ZAP70: variants seen among roughly 807,000 people sequenced by gnomAD.
ZAP70 encodes zeta chain of T cell receptor associated protein kinase 70.
ZAP70 carries 27 observed loss-of-function variants against 65.8 expected under a neutral mutation model. The ratio of observed to expected loss-of-function variants is 0.41; its 90% CI spans 0.30 to 0.57. The LOEUF is 0.57. Ranked by LOEUF, ZAP70 falls within the 20% of genes least tolerant of loss-of-function variation. The pLI, the probability that ZAP70 is intolerant of heterozygous loss-of-function variation, is 0.28. For missense variants in ZAP70, 696 were observed against 870.5 expected, an observed-to-expected ratio of 0.80 and a Z score of 2.52; for synonymous variants, 363 against 360.8, an observed-to-expected ratio of 1.01 and a Z score of -0.07.
chr2:97,720,412 T>C (rs1054719901), intron 2 of ZAP70, among the ~76,000 whole-genome samples: 1 of 152,168 alleles, frequency 6.6e-6, no homozygotes, highest in African/African-American at 2.4e-5. Context: ...GTATTTTTAA[T>C]AGAGACGGGG....
intron 2 of ZAP70, among the ~76,000 whole-genome samples, chr2:97,719,298 G>A (rs1441672148): frequency 1.3e-5 from 2 of 149,318 alleles, no homozygotes; most frequent in Non-Finnish European, 3.0e-5. Flanking sequence ...AGAGGTGGGT[G>A]TGGCAGCATG....
intron 13 of ZAP70, chr2:97,738,373 T>TG: frequency 1.9e-6 from 1 of 537,722 alleles, no homozygotes; most frequent in East Asian, 3.3e-5. Flanking sequence ...ACTCAACACA[T>TG]GGACCCTGCA....
At chr2:97,732,735 G>C in intron 4 of ZAP70, 148 bp from the exon 5 acceptor site, 1 of 1,162,994 alleles carries the variant, frequency 8.6e-7, no homozygotes, top group South Asian at 1.5e-5. Flanking sequence ...GGAGGTGATG[G>C]GGGCCTGGCC....
intron 2 of ZAP70, among the ~76,000 whole-genome samples, chr2:97,722,114 C>T (rs182549479): frequency 2.5e-4 from 38 of 150,120 alleles, no homozygotes; most frequent in Non-Finnish European, 4.4e-4. Flanking sequence ...GAGTTTCGCG[C>T]TTGTTGCCCA....
Position 97,724,213 on chromosome 2 carries a change from TC to T in ZAP70, c.180del (p.Ile61SerfsTer108). ...TGCACGATGTGCGCTTCCACCACTTTCCCATCGAGCGCCAGCTCAACGGCAC... is the reference window on the plus strand; with the variant it reads ...TGCACGATGTGCGCTTCCACCACTTTCCATCGAGCGCCAGCTCAACGGCAC... ...LVHDVRFHHFPIERQLNGTYA... is the reference protein window; with the variant it reads ...LVHDVRFHHFXIERQLNGTYA... On this transcript the variant is annotated frameshift_variant, in exon 3 of 14. Transcript: ENST00000264972. LOFTEE classifies it high-confidence loss of function. 2 of 1,600,728 alleles carry T rather than the reference TC, an allele frequency of 1.2e-6. No homozygotes were observed. Among genetic ancestry groups the T allele is most frequent in the Non-Finnish European group, 1.7e-6 (2 of 1,175,140 alleles).
Position 97,724,381 on chromosome 2 carries a change from C to T in ZAP70, c.345C>T (p.Phe115=). Residue 115 remains phenylalanine (F), a synonymous_variant, in exon 3 of 14, where the codon TTC becomes TTT. Coordinates refer to ENST00000264972, the MANE Select transcript of ZAP70 (RefSeq NM_001079.4). Reference sequence around the variant, plus strand: ...GCCTCGAGCCGCAGCCGGGGGTCTTCGACTGCCTGCGAGACGCCATGGTGC... The same window carrying T: ...GCCTCGAGCCGCAGCCGGGGGTCTTTGACTGCCTGCGAGACGCCATGGTGC... ...PSGLEPQPGV[F]DCLRDAMVRD... 6.5e-7 allele frequency: 1 copy of T among 1,537,830 alleles called. No homozygotes were observed. The highest frequency in any genetic ancestry group is 8.8e-7 in the Non-Finnish European group (1 of 1,142,208).
Position 97,732,910 on chromosome 2 carries a change from A to G in ZAP70, c.591A>G (p.Thr197=), listed in dbSNP as rs1677670996. The G allele has an allele frequency of 6.8e-6, 11 of 1,614,008 alleles. No homozygotes were observed. Among genetic ancestry groups the G allele is most frequent in the Non-Finnish European group, 9.3e-6 (11 of 1,180,028 alleles). The change falls in exon 5 of 14, where the codon ACA becomes ACG. Residue 197 remains threonine (T), a synonymous_variant. Transcript: ENST00000264972. ...FLLRPRKEQG[T]YALSLIYGKT... is the part of the protein sequence containing the mutation. ...TGAGGCCGCGGAAGGAGCAGGGCAC[A>G]TACGCCCTGTCCCTCATCTATGGGA...
intron 2 of ZAP70, among the ~76,000 whole-genome samples, chr2:97,718,339 G>A (rs533003130): frequency 2.0e-5 from 3 of 152,328 alleles, no homozygotes; most frequent in Non-Finnish European, 2.9e-5. Context: ...TAGCCGCTGC[G>A]TGGCAAATGC....
In ZAP70 at chr2:97,715,329, A is replaced by G. The variant is rs867723618; in HGVS notation, c.-22+1335A>G. On this transcript the variant is annotated intron_variant, in intron 2 of 13. Coordinates refer to ENST00000264972, the MANE Select transcript of ZAP70 (RefSeq NM_001079.4). This position sits in a 1 kb window ranked among gnomAD's most constrained non-coding sequence, Gnocchi z 4.1. Reference sequence around the variant, plus strand: ...TGGCATCCAGCATGTCCAGGACAGGAATCCTGTGAACAGCCTACAAGGCCC... The same window carrying G: ...TGGCATCCAGCATGTCCAGGACAGGGATCCTGTGAACAGCCTACAAGGCCC... Among the ~76,000 whole-genome samples, 14 of 152,316 alleles carry G rather than the reference A, an allele frequency of 9.2e-5. No homozygotes were observed. Among genetic ancestry groups the G allele is most frequent in the Middle Eastern group, 3.4e-3 (1 of 294 alleles).
At chr2:97,716,105 G>A (rs376731023) in intron 2 of ZAP70, among the ~76,000 whole-genome samples, 6 of 152,148 alleles carry the variant, frequency 3.9e-5, no homozygotes, top group Non-Finnish European at 7.4e-5. Flanking sequence ...ATGGGACAAC[G>A]GAGGAGGCCT....
At chr2:97,716,474 A>T (rs1021888011) in intron 2 of ZAP70, among the ~76,000 whole-genome samples, 1 of 152,230 alleles carries the variant, frequency 6.6e-6, no homozygotes. Flanking sequence ...GTGAAGAACA[A>T]CAAAGCTGGG....
In ZAP70 at chr2:97,733,370, C is replaced by T. The variant is rs763176121; in HGVS notation, c.837+27C>T. Reference sequence around the variant, plus strand: ...TGAGTTGGGGGCACCTGGAGTGTGGCCTTGGGGATGGAGCTGGGGAGTGGC... The same window carrying T: ...TGAGTTGGGGGCACCTGGAGTGTGGTCTTGGGGATGGAGCTGGGGAGTGGC... On this transcript the variant is annotated intron_variant, in intron 7 of 13. Transcript: ENST00000264972. The T allele has an allele frequency of 3.1e-6, 5 of 1,589,416 alleles. No individual in the cohort carries two copies. The South Asian group carries it at 5.7e-5, about 18-fold the overall frequency.
chr2:97,717,586 C>T (rs968718947), intron 2 of ZAP70, among the ~76,000 whole-genome samples: 5 of 152,200 alleles, frequency 3.3e-5, no homozygotes, highest in African/African-American at 7.2e-5. Flanking sequence ...TCTGCTCTGA[C>T]GATGGGCATG....
chr2:97,726,468 C>T (rs1395967345), intron 4 of ZAP70, among the ~76,000 whole-genome samples: 2 of 152,256 alleles, frequency 1.3e-5, no homozygotes, highest in African/African-American at 4.8e-5. Flanking sequence ...CCTTCCTTCT[C>T]GTGAGTGCTT....
At chr2:97,747,815 G>GTTTTTTTTTTTT in the ZAP70 span, among the ~76,000 whole-genome samples, 31 of 54,796 alleles carry the variant, frequency 5.7e-4, 1 homozygote, top group Non-Finnish European at 7.1e-4. Flanking sequence ...CTGGCACGAG[G>GTTTTTTTTTTTT]TTTTTTTTTT....
intron 2 of ZAP70, 25 bp from the exon 3 acceptor site, chr2:97,723,991 C>A: frequency 6.5e-7 from 1 of 1,535,874 alleles, no homozygotes; most frequent in South Asian, 1.2e-5. Context: ...CCCTGACGTG[C>A]CTCCGACCCT....
intron 13 of ZAP70, among the ~76,000 whole-genome samples, chr2:97,739,056 G>C (rs768197659): frequency 1.3e-5 from 2 of 152,112 alleles, no homozygotes; most frequent in Non-Finnish European, 2.9e-5. Context: ...CTATATCCCA[G>C]GTCCCCGTGG....
chr2:97,721,795 T>C (rs1677170645), intron 2 of ZAP70, among the ~76,000 whole-genome samples: 1 of 151,402 alleles, frequency 6.6e-6, no homozygotes, highest in Non-Finnish European at 1.5e-5. Context: ...CTTTTTTTTT[T>C]TTGAGATTGC....
the ZAP70 span, among the ~76,000 whole-genome samples, chr2:97,753,126 G>C: frequency 6.6e-6 from 1 of 152,194 alleles, no homozygotes; most frequent in Non-Finnish European, 1.5e-5. Flanking sequence ...GATGAGGCCT[G>C]AGTCATGCAA....
Sources: allele counts gnomAD v4.1 joint callset (sites outside exome capture counted in the v4.1 genomes callset), GRCh38; gene constraint gnomAD v4.1.1; non-coding constraint Gnocchi (gnomAD v3.1); transcripts MANE v1.5; gene names NCBI Gene and HGNC (gene_info 2026-07-23, HGNC 2026-07-21).